SORCS3: variants seen among roughly 807,000 people sequenced by gnomAD.
SORCS3 encodes the protein sortilin related VPS10 domain containing receptor 3, also known as VPS10 domain-containing receptor SorCS3.
Under a neutral mutation model 146.3 loss-of-function variants are expected in SORCS3, and 57 were observed. The observed-to-expected ratio is 0.39, with a 90% CI of 0.31 to 0.49. SORCS3 has a LOEUF of 0.49. SORCS3 is among the 20% of genes least tolerant of loss of function. SORCS3 has a pLI of 0.92. For synonymous variants in SORCS3, 653 were observed against 618.5 expected (o/e 1.06, Z -0.83); for missense variants, 1,341 against 1,575.5 (o/e 0.85, Z 2.52).
intron 1 of SORCS3, among the ~76,000 whole-genome samples, chr10:104,715,348 G>A (rs562576005): frequency 3.1e-4 from 47 of 152,312 alleles, no homozygotes; most frequent in African/African-American, 1.1e-3. Context: ...ATCTTCTCCT[G>A]TCTTTGGATG....
chr10:104,691,967 A>G (rs921341244), intron 1 of SORCS3, among the ~76,000 whole-genome samples: 2 of 151,694 alleles, frequency 1.3e-5, no homozygotes, highest in Non-Finnish European at 2.9e-5. Flanking sequence ...TTCCTTTTAT[A>G]CTTTACCTTC....
intron 20 of SORCS3, among the ~76,000 whole-genome samples, chr10:105,241,997 T>A (rs1159285436): frequency 6.6e-6 from 1 of 151,976 alleles, no homozygotes; most frequent in Admixed American, 6.6e-5. Flanking sequence ...AGATTTAACT[T>A]GTAACTTGGC....
chr10:105,024,221 G>T (rs2055213700), intron 4 of SORCS3, among the ~76,000 whole-genome samples: 1 of 152,210 alleles, frequency 6.6e-6, no homozygotes, highest in Non-Finnish European at 1.5e-5. Context: ...AAAGTAAACT[G>T]TGAGTGAGAG....
chr10:105,085,234 C>T (rs1011121128), intron 5 of SORCS3, among the ~76,000 whole-genome samples: 2 of 152,208 alleles, frequency 1.3e-5, no homozygotes, highest in African/African-American at 2.4e-5. Context: ...GTCAACAGTG[C>T]CAACATTGAA....
At chr10:105,259,760 C>T (rs2056950195) in intron 25 of SORCS3, among the ~76,000 whole-genome samples, 1 of 152,114 alleles carries the variant, frequency 6.6e-6, no homozygotes, top group Admixed American at 6.5e-5. Context: ...TAGTCCAAAG[C>T]CCACTTTGCT....
At chr10:104,810,079 G>A (rs1247685126) in intron 1 of SORCS3, among the ~76,000 whole-genome samples, 1 of 152,172 alleles carries the variant, frequency 6.6e-6, no homozygotes, top group Non-Finnish European at 1.5e-5. Flanking sequence ...AGAGCCATAT[G>A]CCACATCTTG....
intron 3 of SORCS3, among the ~76,000 whole-genome samples, chr10:104,956,610 TA>T (rs373697444): frequency 6.8e-4 from 102 of 150,836 alleles, no homozygotes; most frequent in African/African-American, 1.1e-3. Context: ...TTTTTTTTTT[TA>T]AATTTTACAG....
chr10:104,672,326 A>AT (rs1332402478), intron 1 of SORCS3, among the ~76,000 whole-genome samples: 1 of 151,886 alleles, frequency 6.6e-6, no homozygotes, highest in Non-Finnish European at 1.5e-5. Context: ...TTCCAGTTTC[A>AT]TTTTTTATTT....
At chr10:105,156,732 T>C (rs538998216) in intron 9 of SORCS3, among the ~76,000 whole-genome samples, 1 of 152,268 alleles carries the variant, frequency 6.6e-6, no homozygotes, top group African/African-American at 2.4e-5. Context: ...TCAACTTCCA[T>C]TGTTATGAAA....
At chr10:105,089,931 G>T in intron 6 of SORCS3, 92 bp downstream of exon 6, 1 of 986,912 alleles carries the variant, frequency 1.0e-6, no homozygotes, top group Non-Finnish European at 1.6e-6. Flanking sequence ...TTGGGAAGAT[G>T]AAAAGCTCTG....
At chr10:104,744,598 G>A (rs983228539) in intron 1 of SORCS3, among the ~76,000 whole-genome samples, 2 of 152,078 alleles carry the variant, frequency 1.3e-5, no homozygotes, top group African/African-American at 2.4e-5. Flanking sequence ...GTTAATAAGG[G>A]GCAGAACCAG....
At chr10:105,042,000 T>C (rs917636039) in intron 4 of SORCS3, among the ~76,000 whole-genome samples, 1 of 152,222 alleles carries the variant, frequency 6.6e-6, no homozygotes, top group African/African-American at 2.4e-5. Flanking sequence ...GACCAAGACT[T>C]ATCTTCTCCA....
intron 1 of SORCS3, among the ~76,000 whole-genome samples, chr10:104,734,293 A>AT (rs2016743586): frequency 6.6e-6 from 1 of 152,172 alleles, no homozygotes; most frequent in Non-Finnish European, 1.5e-5. Flanking sequence ...TGTTAGTATG[A>AT]ATTAGTCAGT....
intron 1 of SORCS3, among the ~76,000 whole-genome samples, chr10:104,839,394 G>A (rs58471971): frequency 0.1 from 15,869 of 152,192 alleles, 973 homozygotes; most frequent in South Asian, 0.24. Flanking sequence ...CAAGTACAGG[G>A]GATAATGAAA....
At chr10:105,123,634 T>G (rs141049051) in intron 7 of SORCS3, among the ~76,000 whole-genome samples, 29 of 152,274 alleles carry the variant, frequency 1.9e-4, no homozygotes, top group South Asian at 4.1e-4. Context: ...ATAACAGGGT[T>G]TATAGTCGAG....
chr10:104,672,430 C>T (rs1383146304), intron 1 of SORCS3, among the ~76,000 whole-genome samples: 3 of 151,864 alleles, frequency 2.0e-5, no homozygotes, highest in Non-Finnish European at 2.9e-5. Context: ...CTTTTGGTTT[C>T]GTTGATTTTC....
chr10:105,056,848 T>G (rs2055449103), intron 5 of SORCS3, among the ~76,000 whole-genome samples: 1 of 152,236 alleles, frequency 6.6e-6, no homozygotes, highest in Non-Finnish European at 1.5e-5. Flanking sequence ...CAATACTTTC[T>G]TCCTTTCTTG....
At chr10:105,200,300 G>T (rs2056567037) in intron 15 of SORCS3, among the ~76,000 whole-genome samples, 184 bp downstream of exon 15, 1 of 152,130 alleles carries the variant, frequency 6.6e-6, no homozygotes, top group African/African-American at 2.4e-5. Context: ...TGATATTTAG[G>T]AACTATCTCG....
At chr10:104,756,489 G>C (rs1188047935) in intron 1 of SORCS3, among the ~76,000 whole-genome samples, 1 of 152,202 alleles carries the variant, frequency 6.6e-6, no homozygotes, top group Admixed American at 6.5e-5. Context: ...TTCAGCAGGG[G>C]TAAATAACTA....
Sources: allele counts gnomAD v4.1 joint callset (sites outside exome capture counted in the v4.1 genomes callset), GRCh38; gene constraint gnomAD v4.1.1; transcripts MANE v1.5; gene names NCBI Gene and HGNC (gene_info 2026-07-23, HGNC 2026-07-21).